ATAD2: variants seen among roughly 807,000 people sequenced by gnomAD.
ATAD2 encodes ATPase family AAA domain-containing protein 2.
Under a neutral mutation model 168.9 loss-of-function variants are expected in ATAD2, and 62 were observed. That is an observed-to-expected ratio of 0.37 (90% confidence interval 0.30 to 0.45). The LOEUF is 0.45. Among genes scored for constraint, ATAD2 ranks in the 20% least tolerant of loss-of-function variants. The pLI, the probability that ATAD2 is intolerant of heterozygous loss-of-function variation, is 1.00. For synonymous variants in ATAD2, 613 were observed against 571.6 expected (o/e 1.07, Z -1.03); for missense variants, 1,419 against 1,667.8 (o/e 0.85, Z 2.60).
upstream of ATAD2, chr8:123,401,230 G>T: frequency 1.1e-6 from 1 of 901,136 alleles, no homozygotes; most frequent in African/African-American, 1.6e-5. Context: ...TGATGAGCTG[G>T]TGGCCATCAT....
rs751056653 is a variant in ATAD2 at position 123,346,639 on chromosome 8, A to C, written c.2324T>G (p.Phe775Cys). 3.8e-6 allele frequency: 6 copies of C among 1,566,596 alleles called. No individual in the cohort carries two copies. The highest frequency in any genetic ancestry group is 5.2e-6 in the Non-Finnish European group (6 of 1,156,834). The part of the protein sequence containing the change: ...QKSSHKAKDN[F>C]NFLHLNRNAC... ...ATACCTATTCAAATGAAGAAAATTA[A>C]AATTGTCTTTTGCCTTATGAGAAGA... is the stretch of plus-strand genomic sequence containing the variant. Residue 775 changes from phenylalanine to cysteine, a missense_variant, in exon 17 of 28, where the codon TTT becomes TGT. Transcript: ENST00000287394.
At chr8:123,371,155 A>G (rs2129753986) in intron 5 of ATAD2, 81 bp downstream of exon 5, 1 of 1,216,090 alleles carries the variant, frequency 8.2e-7, no homozygotes, top group South Asian at 1.5e-5. Flanking sequence ...AAAAGTAGAT[A>G]TTTAATGAAA....
upstream of ATAD2, chr8:123,401,088 C>A: frequency 6.5e-7 from 1 of 1,547,246 alleles, no homozygotes. Context: ...AGAAGGACCA[C>A]ACCACCCTCC....
chr8:123,376,731 G>A (rs1829327685), intron 2 of ATAD2, among the ~76,000 whole-genome samples: 1 of 151,964 alleles, frequency 6.6e-6, no homozygotes, highest in Non-Finnish European at 1.5e-5. Flanking sequence ...GAGGCAGGGG[G>A]ATTGCTAGAG....
chr8:123,389,415 G>A (rs1232779675), intron 1 of ATAD2, among the ~76,000 whole-genome samples: 1 of 150,294 alleles, frequency 6.7e-6, no homozygotes, highest in Non-Finnish European at 1.5e-5. Flanking sequence ...CAAGGCGGGC[G>A]GATCACGAAG....
At position 123,336,421 on chromosome 8, in the gene ATAD2, G is replaced by T. The variant is rs1827913747; in HGVS notation, c.3163C>A (p.Leu1055Ile). The T allele has an allele frequency of 6.3e-7, 1 of 1,583,284 alleles. No homozygotes were observed. The highest frequency in any genetic ancestry group is 8.5e-7 in the Non-Finnish European group (1 of 1,170,516). Residue 1055 changes from leucine to isoleucine, a missense_variant, in exon 22 of 28, where the codon CTA (leucine) becomes ATA (isoleucine). Physicochemically the swap from Leu to Ile is conservative, Grantham distance 5. Around this residue, in one of 5 missense-constraint regions of ATAD2, gnomAD observed 545 missense variants for 724.9 expected, o/e 0.75. Transcript: ENST00000287394. ...TATTCTAAGGCATTACTACAGATTA[G>T]ATCAATATCTCTCAAATAGTCTTTC... ...TVKDYLRDID[L>I]ICSNALEYNP...
At chr8:123,322,897 C>A in intron 27 of ATAD2, 41 bp downstream of exon 27, 1 of 1,591,892 alleles carries the variant, frequency 6.3e-7, no homozygotes, top group Non-Finnish European at 8.6e-7. Context: ...ATTAATGTGA[C>A]CACAAGAGCA....
chr8:123,328,154 A>G, intron 25 of ATAD2, 36 bp downstream of exon 25: 1 of 1,339,308 alleles, frequency 7.5e-7, no homozygotes, highest in Non-Finnish European at 9.6e-7. Flanking sequence ...AATATCTTTT[A>G]AAATCAGTAA....
chr8:123,346,494 T>C, intron 17 of ATAD2, 124 bp downstream of exon 17: 1 of 1,092,650 alleles, frequency 9.2e-7, no homozygotes, highest in South Asian at 2.0e-5. Flanking sequence ...CAACAAAAAA[T>C]TTCTGGTAGT....
upstream of ATAD2, chr8:123,400,499 G>A (rs2130013954): frequency 2.6e-6 from 1 of 385,102 alleles, no homozygotes; most frequent in Non-Finnish European, 5.0e-6. This position sits in a 1 kb window ranked among gnomAD's most constrained non-coding sequence, Gnocchi z 4.5. Flanking sequence ...GTGAGACCCA[G>A]TCTCAAAAAA....
At position 123,328,287 on chromosome 8, in the gene ATAD2, C is replaced by CGGA; in HGVS notation, c.3770_3771insTCC (p.Lys1257delinsAsnPro). On this transcript the variant is annotated protein_altering_variant, in exon 25 of 28. Coordinates refer to ENST00000287394, the MANE Select transcript of ATAD2 (RefSeq NM_014109.4). ...CTCTCAATTCTGTACATGCTGTAGT[C>CGGA]TTCCTAGAGTCTTCAAGCTCATTCT... 6.3e-7 allele frequency: 1 copy of CGGA among 1,599,488 alleles called. No homozygotes were observed. Among genetic ancestry groups the CGGA allele is most frequent in the Admixed American group, 1.7e-5 (1 of 57,762 alleles).
intron 1 of ATAD2, among the ~76,000 whole-genome samples, chr8:123,381,588 G>A (rs542828617): frequency 6.6e-6 from 1 of 152,240 alleles, no homozygotes; most frequent in East Asian, 1.9e-4. Context: ...CTTCATTTTA[G>A]TACAATAAAT....
intron 1 of ATAD2, among the ~76,000 whole-genome samples, chr8:123,384,000 G>A (rs1829573087): frequency 6.6e-6 from 1 of 151,264 alleles, no homozygotes; most frequent in African/African-American, 2.4e-5. Context: ...AGAATTGCTC[G>A]AACCTGGGAG....
chr8:123,393,594 G>T (rs1812695162), intron 1 of ATAD2, among the ~76,000 whole-genome samples: 1 of 152,042 alleles, frequency 6.6e-6, no homozygotes, highest in Non-Finnish European at 1.5e-5. Flanking sequence ...TGGAAAACGG[G>T]AAGGAGGCCA....
intron 24 of ATAD2, among the ~76,000 whole-genome samples, chr8:123,331,953 G>A (rs1255567298): frequency 6.6e-6 from 1 of 152,204 alleles, no homozygotes; most frequent in Non-Finnish European, 1.5e-5. Context: ...TAAATTTTAT[G>A]CAGTTGTGAT....
chr8:123,387,139 T>G (rs953304610), intron 1 of ATAD2, among the ~76,000 whole-genome samples: 4 of 152,128 alleles, frequency 2.6e-5, no homozygotes, highest in Admixed American at 2.6e-4. Flanking sequence ...TGCAAACATA[T>G]TTACATGATT....
At chr8:123,334,472 C>T (rs1001779725) in intron 22 of ATAD2, 150 bp from the exon 23 acceptor site, 92 of 824,520 alleles carry the variant, frequency 1.1e-4, no homozygotes, top group Middle Eastern at 7.6e-4. Flanking sequence ...TTGTCCTATT[C>T]TGTTTCTGGA....
At chr8:123,396,110 C>T (rs4871359) in intron 1 of ATAD2, 77 bp downstream of exon 1, 425,629 of 1,450,302 alleles carry the variant, frequency 0.29, 65,700 homozygotes, top group East Asian at 0.49. Context: ...CGCCCACCCC[C>T]AGGCCCCTCC....
At chr8:123,404,914 G>A (rs1024173296) in intron 1 of ATAD2, among the ~76,000 whole-genome samples, 6 of 152,146 alleles carry the variant, frequency 3.9e-5, no homozygotes, top group African/African-American at 1.4e-4. Context: ...ATCTCATTTT[G>A]AGATCTCAGT....
Sources: gnomAD v4.1 joint callset for allele counts (sites outside exome capture counted in the v4.1 genomes callset) on GRCh38, gnomAD v4.1.1 for gene constraint, gnomAD v4.1.1 regional missense constraint, Gnocchi (gnomAD v3.1) non-coding constraint, MANE v1.5 for transcripts, NCBI Gene and HGNC (gene_info 2026-07-23, HGNC 2026-07-21) for gene names.